Variants in ADAMTSL1 observed in about 807,000 individuals in gnomAD.
The protein encoded by ADAMTSL1 is ADAMTS-like protein 1.
A neutral mutation model predicts 201.8 loss-of-function variants in ADAMTSL1; 126 were observed. The observed-to-expected ratio is 0.62, with a 90% CI of 0.54 to 0.72. ADAMTSL1 has a LOEUF of 0.72. ADAMTSL1 is among the 30% of genes least tolerant of loss of function. The pLI, the probability that ADAMTSL1 is intolerant of heterozygous loss-of-function variation, is 0.00. For synonymous variants in ADAMTSL1, 1,121 were observed against 903.4 expected (o/e 1.24, Z -4.32); for missense variants, 2,679 against 2,277.8 (o/e 1.18, Z -3.59).
chr9:18,070,537 T>C (rs988251564), intron 1 of ADAMTSL1, among the ~76,000 whole-genome samples: 4 of 152,084 alleles, frequency 2.6e-5, no homozygotes, highest in African/African-American at 4.8e-5. Flanking sequence ...GGATGCAAAT[T>C]TGAGGAAGCG....
chr9:18,409,949 G>A (rs923908212), intron 2 of ADAMTSL1, among the ~76,000 whole-genome samples: 1 of 151,146 alleles, frequency 6.6e-6, no homozygotes, highest in Non-Finnish European at 1.5e-5. Flanking sequence ...TATACAGCTA[G>A]GATATACGTT....
rs183662426 is a variant in ADAMTSL1 at position 18,723,354 on chromosome 9, A to G, written c.2006+1689A>G. ...CTTTCTAACCACATTCCTGTGTTGT[A>G]ACAACACCCAAATGCTGAGGCAGTG... On this transcript the variant is annotated intron_variant, in intron 15 of 28. Coordinates refer to ENST00000380548, the MANE Select transcript of ADAMTSL1 (RefSeq NM_001040272.6). 13 of 479,716 alleles carry G rather than the reference A, an allele frequency of 2.7e-5. No homozygotes were observed. The East Asian group carries it at 4.8e-4, about 18-fold the overall frequency. 29.7% of individuals were successfully genotyped at this position (479,716 alleles called of 1,614,324 possible). A position where few individuals can be genotyped will look rare whatever the true frequency, so the allele number is the denominator to read the frequency against.
chr9:17,947,007 A>C (rs945041061), intron 1 of ADAMTSL1, among the ~76,000 whole-genome samples: 1 of 152,092 alleles, frequency 6.6e-6, no homozygotes, highest in Non-Finnish European at 1.5e-5. Flanking sequence ...CTAAAATCCA[A>C]CTGATGATAA....
chr9:18,119,344 G>A (rs1825399285), intron 1 of ADAMTSL1, among the ~76,000 whole-genome samples: 1 of 152,026 alleles, frequency 6.6e-6, no homozygotes. Context: ...CCAGGCTGGA[G>A]TAGAGTGGCG....
At chr9:18,779,965 G>A (rs1821289057) in intron 19 of ADAMTSL1, among the ~76,000 whole-genome samples, 1 of 152,182 alleles carries the variant, frequency 6.6e-6, no homozygotes, top group Non-Finnish European at 1.5e-5. Context: ...GGAAAAGATG[G>A]AAATTAACAT....
chr9:17,936,222 CTTA>C (rs2131332975), intron 1 of ADAMTSL1, among the ~76,000 whole-genome samples: 1 of 152,250 alleles, frequency 6.6e-6, no homozygotes, highest in African/African-American at 2.4e-5. Flanking sequence ...ATTTTACAGA[CTTA>C]TTATGTATCT....
chr9:18,587,764 C>T (rs1823606349), intron 4 of ADAMTSL1, among the ~76,000 whole-genome samples: 1 of 152,172 alleles, frequency 6.6e-6, no homozygotes, highest in African/African-American at 2.4e-5. Context: ...GTTTATTTCA[C>T]TTAATGACCT....
rs186020828 is a variant in ADAMTSL1 at position 18,193,901 on chromosome 9, T to G, written c.207+29920T>G. Among the ~76,000 whole-genome samples, 36 of 152,276 alleles carry G rather than the reference T, an allele frequency of 2.4e-4. No individual in the cohort carries two copies. The East Asian group carries it at 4.8e-3, about 20-fold the overall frequency. On this transcript the variant is annotated intron_variant, in intron 2 of 29. Transcript: ENST00000680146. Reference sequence around the variant, plus strand: ...ACACTCATGTTTTATCAGATTTTCTTGTAAGGATGGGCAAAATGCATTACA... The same window carrying G: ...ACACTCATGTTTTATCAGATTTTCTGGTAAGGATGGGCAAAATGCATTACA...
At chr9:17,994,530 CT>C (rs1192357752) in intron 1 of ADAMTSL1, among the ~76,000 whole-genome samples, 1 of 152,130 alleles carries the variant, frequency 6.6e-6, no homozygotes, top group Non-Finnish European at 1.5e-5. Flanking sequence ...TTCAGTTCCA[CT>C]TTTGTGTTGT....
At chr9:18,557,442 A>G (rs1020707198) in intron 3 of ADAMTSL1, among the ~76,000 whole-genome samples, 3 of 152,092 alleles carry the variant, frequency 2.0e-5, no homozygotes, top group African/African-American at 7.2e-5. Context: ...TGACTTTGCA[A>G]GAAATGACCC....
chr9:18,164,408 G>T lies in ADAMTSL1; in HGVS notation c.207+427G>T, dbSNP rs551372322. On this transcript the variant is annotated intron_variant, in intron 2 of 29. Coordinates refer to the ADAMTSL1 transcript ENST00000680146. ...TTTGTAGATATTCTTACTTCAAAGTGCTAGTGATATTTGTTTTATGAAAGT... is the reference window on the plus strand; with the variant it reads ...TTTGTAGATATTCTTACTTCAAAGTTCTAGTGATATTTGTTTTATGAAAGT... Among the ~76,000 whole-genome samples, 197 of 151,978 alleles carry T rather than the reference G, an allele frequency of 1.3e-3. 1 individual carries two copies. Among genetic ancestry groups the T allele is most frequent in the Middle Eastern group, 6.8e-3 (2 of 294 alleles).
chr9:17,979,820 A>T (rs1017993864), intron 1 of ADAMTSL1, among the ~76,000 whole-genome samples: 2 of 152,134 alleles, frequency 1.3e-5, no homozygotes, highest in Non-Finnish European at 2.9e-5. Context: ...ATTCTGGTTC[A>T]GTCAGCTGGT....
intron 7 of ADAMTSL1, among the ~76,000 whole-genome samples, chr9:18,649,956 C>T (rs993233964): frequency 6.6e-6 from 1 of 152,168 alleles, no homozygotes; most frequent in African/African-American, 2.4e-5. Context: ...GCAGACGTTA[C>T]TGCTGTCTTT....
chr9:18,117,893 A>G (rs966559066), intron 1 of ADAMTSL1, among the ~76,000 whole-genome samples: 1 of 152,192 alleles, frequency 6.6e-6, no homozygotes, highest in African/African-American at 2.4e-5. Flanking sequence ...GGCTAGCCAC[A>G]TGAGGGTTAC....
intron 7 of ADAMTSL1, among the ~76,000 whole-genome samples, chr9:18,641,478 A>G (rs1321027016): frequency 6.6e-6 from 1 of 152,070 alleles, no homozygotes; most frequent in Non-Finnish European, 1.5e-5. Context: ...GTTCACACTG[A>G]TGGGAAGCCA....
chr9:18,135,804 G>T (rs1826133731), intron 1 of ADAMTSL1, among the ~76,000 whole-genome samples: 1 of 152,036 alleles, frequency 6.6e-6, no homozygotes, highest in Admixed American at 6.6e-5. Context: ...TGGATATGAG[G>T]TGCTGTCTTC....
chr9:18,165,167 T>C (rs1211830047), intron 2 of ADAMTSL1, among the ~76,000 whole-genome samples: 2 of 151,986 alleles, frequency 1.3e-5, no homozygotes, highest in African/African-American at 4.8e-5. Context: ...TATTTTTCCT[T>C]CTTATGAAAA....
intron 14 of ADAMTSL1, among the ~76,000 whole-genome samples, chr9:18,711,833 A>G (rs1281545993): frequency 2.6e-5 from 4 of 151,882 alleles, no homozygotes; most frequent in Non-Finnish European, 5.9e-5. Context: ...ACCTCTGCAG[A>G]CTTAAATGTC....
Position 18,338,046 on chromosome 9 carries a change from G to A in ADAMTSL1, c.208-166783G>A, listed in dbSNP as rs535307702. On this transcript the variant is annotated intron_variant, in intron 2 of 29. Transcript: ENST00000680146. ...ATTTAGGATCCTGAGGATCAATGGAGAAAAACCATACAACTTTGTTGATTA... is the reference window on the plus strand; with the variant it reads ...ATTTAGGATCCTGAGGATCAATGGAAAAAAACCATACAACTTTGTTGATTA... Among the ~76,000 whole-genome samples the A allele has an allele frequency of 2.0e-5, 3 of 152,188 alleles. No homozygotes were observed. In the East Asian group the frequency reaches 5.8e-4, roughly 29 times the overall value.
Sources: allele counts gnomAD v4.1 joint callset (sites outside exome capture counted in the v4.1 genomes callset), GRCh38; gene constraint gnomAD v4.1.1; transcripts MANE v1.5; gene names NCBI Gene and HGNC (gene_info 2026-07-23, HGNC 2026-07-21).